The following SUPT3H variants were observed in gnomAD, a reference collection of about 807,000 sequenced individuals.
SUPT3H encodes the protein SPT3 homolog, SAGA and STAGA complex component.
In SUPT3H, 44 loss-of-function variants were observed where a neutral mutation model predicts 44.3. The observed-to-expected ratio is 0.99, with a 90% CI of 0.78 to 1.28. The LOEUF (loss-of-function observed/expected upper bound fraction) is 1.28. SUPT3H is among the 50% of genes most tolerant of loss of function. The pLI is 0.00. For missense variants in SUPT3H, 380 were observed against 387.1 expected (o/e 0.98, Z 0.15); for synonymous variants, 124 against 125.6 (o/e 0.99, Z 0.09).
chr6:45,172,072 C>CT lies in SUPT3H; in HGVS notation c.102-66067dup, dbSNP rs113003297. On this transcript the variant is annotated intron_variant, in intron 2 of 10. Transcript: ENST00000371459. ...CAATGGAATATGGTCATTTATTTAT[C>CT]TTTTTTTTTTTTTCTTTTTGAGACA... Among the ~76,000 whole-genome samples, 271 of 135,634 alleles carry CT rather than the reference C, an allele frequency of 2.0e-3. 2 individuals are homozygous for CT. The highest frequency in any genetic ancestry group is 3.5e-3 in the African/African-American group (130 of 37,256). 89.0% of individuals were successfully genotyped at this position (135,634 alleles called of 152,430 possible). A position where few individuals can be genotyped will look rare whatever the true frequency, so the allele number is the denominator to read the frequency against.
intron 2 of SUPT3H, among the ~76,000 whole-genome samples, chr6:45,229,024 A>G (rs1767464474): frequency 6.6e-6 from 1 of 152,192 alleles, no homozygotes; most frequent in Admixed American, 6.5e-5. Flanking sequence ...CTTGCATGAA[A>G]GCATTTAATT....
chr6:45,371,961 G>C lies in SUPT3H; in HGVS notation c.-1+5807C>G, dbSNP rs73735396. 9.7e-4 allele frequency: 772 copies of C among 793,078 alleles called. 9 individuals carry two copies. The African/African-American group carries it at 0.014, about 14-fold the overall frequency. 49.1% of individuals were successfully genotyped at this position (793,078 alleles called of 1,614,324 possible). On this transcript the variant is annotated intron_variant, in intron 1 of 10. Transcript: ENST00000371459. ...ACTACTATTTAGTGATACAAGCTGG[G>C]ACTAAAACTGAGGTCCCCCGACACC...
intron 10 of SUPT3H, among the ~76,000 whole-genome samples, chr6:44,890,753 T>A (rs1561976446): frequency 8.8e-6 from 1 of 114,282 alleles, no homozygotes; most frequent in East Asian, 3.9e-4. Context: ...AAACTTAAAG[T>A]ATAATAATAA....
chr6:45,136,607 A>T (rs1018973631), intron 2 of SUPT3H, among the ~76,000 whole-genome samples: 26 of 145,428 alleles, frequency 1.8e-4, no homozygotes, highest in African/African-American at 4.1e-4. Context: ...GACATTATTT[A>T]AAAAAAAAAA....
At chr6:44,863,623 T>A (rs1443235452) in intron 10 of SUPT3H, among the ~76,000 whole-genome samples, 1 of 152,012 alleles carries the variant, frequency 6.6e-6, no homozygotes, top group Admixed American at 6.6e-5. Context: ...TGCAGCAGAA[T>A]GAGCAAGAGG....
At chr6:45,187,318 G>A (rs1323965745) in intron 2 of SUPT3H, among the ~76,000 whole-genome samples, 1 of 151,806 alleles carries the variant, frequency 6.6e-6, no homozygotes, top group East Asian at 1.9e-4. Context: ...AGGAGGCTAA[G>A]GCAGGAGAAT....
At chr6:44,932,790 T>C in intron 9 of SUPT3H, 27 bp from the exon 10 acceptor site, 1 of 1,489,966 alleles carries the variant, frequency 6.7e-7, no homozygotes, top group Middle Eastern at 1.7e-4. Flanking sequence ...CATAAATTGT[T>C]ACTAAATCAA....
At position 45,003,775 on chromosome 6, in the gene SUPT3H, T is replaced by C; in HGVS notation, c.382A>G (p.Asn128Asp). 1 of 1,613,770 alleles carries C rather than the reference T, an allele frequency of 6.2e-7. No homozygotes were observed. The highest frequency in any genetic ancestry group is 8.5e-7 in the Non-Finnish European group (1 of 1,179,806). ...ATCTTTTGTCTTTTGTTCGCATTAT[T>C]GCTGCCACTCAATTTGTCTTCATGA... ...DLLEDKLSGS[N>D]NANKRQKIAQ... is the part of the protein sequence containing the mutation. Residue 128 changes from asparagine (N) to aspartate (D), a missense_variant, in exon 6 of 11, where the codon AAT becomes GAT. By Grantham distance (23) the Asn-to-Asp change is conservative. Transcript: ENST00000371459.
chr6:45,244,516 TAAAC>T (rs1338045834), intron 2 of SUPT3H, among the ~76,000 whole-genome samples: 4 of 152,220 alleles, frequency 2.6e-5, no homozygotes, highest in African/African-American at 9.6e-5. Flanking sequence ...GTGAACATTT[TAAAC>T]AAACAACCCC....
intron 5 of SUPT3H, among the ~76,000 whole-genome samples, chr6:45,005,894 T>C (rs894998622): frequency 6.6e-6 from 1 of 152,134 alleles, no homozygotes; most frequent in Non-Finnish European, 1.5e-5. Context: ...GTTCTGTAGA[T>C]ATATTGAAAA....
rs533205791 is a variant in SUPT3H, at chr6:45,000,067, CACATATAAATGTATATACACAGATATAT to C, written c.504+3558_504+3585del. On this transcript the variant is annotated intron_variant, in intron 6 of 10. Transcript: ENST00000371459. ...GAATTTGCATATGTAAATGTATATA[CACATATAAATGTATATACACAGATATAT>C]ACATACATGTATTTATTATGTACAT... is the stretch of plus-strand genomic sequence containing the variant. 5.4e-3 allele frequency among the ~76,000 whole-genome samples: 820 copies of C among 151,752 alleles called. 12 individuals carry two copies. Among genetic ancestry groups the C allele is most frequent in the African/African-American group, 0.019 (791 of 41,390 alleles).
At chr6:45,125,854 A>G (rs1186245789) in intron 2 of SUPT3H, among the ~76,000 whole-genome samples, 4 of 151,698 alleles carry the variant, frequency 2.6e-5, no homozygotes, top group African/African-American at 9.7e-5. Context: ...TTCTGGTTTT[A>G]AAAGACTTCC....
chr6:45,177,983 C>A (rs1812311997), intron 2 of SUPT3H, among the ~76,000 whole-genome samples: 1 of 152,104 alleles, frequency 6.6e-6, no homozygotes, highest in Non-Finnish European at 1.5e-5. Context: ...ATGTAAAGAC[C>A]ATGGGGACTA....
chr6:45,010,560 T>A, intron 5 of SUPT3H, among the ~76,000 whole-genome samples: 1 of 152,146 alleles, frequency 6.6e-6, no homozygotes, highest in East Asian at 1.9e-4. Context: ...TTCTCACAGT[T>A]CTGGAGGTTG....
intron 10 of SUPT3H, among the ~76,000 whole-genome samples, chr6:44,886,877 C>G (rs1762385011): frequency 6.6e-6 from 1 of 152,164 alleles, no homozygotes; most frequent in African/African-American, 2.4e-5. Context: ...AAACCCATCT[C>G]ACATGCGGAG....
chr6:44,885,960 G>A (rs1286611624), intron 10 of SUPT3H, among the ~76,000 whole-genome samples: 1 of 152,162 alleles, frequency 6.6e-6, no homozygotes, highest in East Asian at 1.9e-4. Flanking sequence ...TGAGAACTAC[G>A]TGAAAAATGC....
At chr6:44,824,339 T>C (rs139485916), downstream of SUPT3H, among the ~76,000 whole-genome samples, 74 of 152,230 alleles carry the variant, frequency 4.9e-4, no homozygotes, top group African/African-American at 1.7e-3. Flanking sequence ...TCTTCCCAAG[T>C]GAAGTAGCTG....
chr6:44,824,522 A>G (rs1767596596), downstream of SUPT3H, among the ~76,000 whole-genome samples: 1 of 152,122 alleles, frequency 6.6e-6, no homozygotes, highest in Non-Finnish European at 1.5e-5. Flanking sequence ...AGAAAGTTGT[A>G]CCACAGGCTG....
intron 2 of SUPT3H, among the ~76,000 whole-genome samples, chr6:45,255,241 A>G (rs1249728946): frequency 6.6e-6 from 1 of 152,100 alleles, no homozygotes; most frequent in Non-Finnish European, 1.5e-5. Flanking sequence ...GTCTTGGAAT[A>G]TATTCCCCGG....
Sources: allele counts gnomAD v4.1 joint callset (sites outside exome capture counted in the v4.1 genomes callset), GRCh38; gene constraint gnomAD v4.1.1; transcripts MANE v1.5; gene names NCBI Gene and HGNC (gene_info 2026-07-23, HGNC 2026-07-21).